Variants in TRANK1 observed in about 807,000 individuals in gnomAD.
The protein encoded by TRANK1 is TPR and ankyrin repeat-containing protein 1.
Under a neutral mutation model 266.0 loss-of-function variants are expected in TRANK1, and 198 were observed. The observed-to-expected ratio is 0.74, with a 90% confidence interval of 0.66 to 0.84. The LOEUF is 0.84. Ranked by LOEUF, TRANK1 falls within the 40% of genes least tolerant of loss-of-function variation. TRANK1 has a pLI of 0.00. For synonymous variants in TRANK1, 1,396 were observed against 1,384.1 expected, an observed-to-expected ratio of 1.01 and a Z score of -0.19; for missense variants, 3,326 against 3,634.6, an observed-to-expected ratio of 0.92 and a Z score of 2.18.
At chr3:36,904,363 C>G (rs1331646022) in intron 2 of TRANK1, among the ~76,000 whole-genome samples, 1 of 151,258 alleles carries the variant, frequency 6.6e-6, no homozygotes, top group Admixed American at 6.6e-5. Context: ...TACTAAAATA[C>G]AAAAAAATTA....
chr3:36,851,074 A>G (rs2078978881), intron 15 of TRANK1: 1 of 985,534 alleles, frequency 1.0e-6, no homozygotes, highest in African/African-American at 1.7e-5. Context: ...TAATGAACTA[A>G]GCTTGGGGAG....
At chr3:36,873,588 A>C (rs1575236993) in intron 9 of TRANK1, among the ~76,000 whole-genome samples, 1 of 152,328 alleles carries the variant, frequency 6.6e-6, no homozygotes, top group Admixed American at 6.5e-5. Flanking sequence ...CTGTAGATGC[A>C]GCATGAAAAA....
chr3:36,903,476 C>T (rs1385815586), intron 2 of TRANK1, among the ~76,000 whole-genome samples: 1 of 152,248 alleles, frequency 6.6e-6, no homozygotes, highest in Non-Finnish European at 1.5e-5. Flanking sequence ...TTCCTCACTC[C>T]CAAATACTCT....
chr3:36,866,968 C>T (rs1320657209), intron 9 of TRANK1, among the ~76,000 whole-genome samples: 3 of 152,146 alleles, frequency 2.0e-5, no homozygotes, highest in Admixed American at 6.5e-5. Flanking sequence ...AATCAAGAGA[C>T]GTTCAGGTGC....
chr3:36,856,664 C>T lies in TRANK1; in HGVS notation c.3058G>A (p.Val1020Met). Reference sequence around the variant, plus strand: ...TTCATGATGTTATATTCTGTCTCCACTGCACTGGCTGGGGGAAAGTACTCA... The same window carrying T: ...TTCATGATGTTATATTCTGTCTCCATTGCACTGGCTGGGGGAAAGTACTCA... ...NPEYFPPASA[V>M]ETEYNIMKFH... The change falls in exon 13 of 24, where the codon GTG (valine) becomes ATG (methionine). Residue 1020 changes from valine to methionine, a missense_variant. Val to Met is a conservative substitution (Grantham distance 21). Transcript: ENST00000645898. 1 of 1,614,062 alleles carries T rather than the reference C, an allele frequency of 6.2e-7. No homozygotes were observed. The highest frequency in any genetic ancestry group is 8.5e-7 in the Non-Finnish European group (1 of 1,179,898).
chr3:36,832,420 C>T lies in TRANK1; in HGVS notation c.7163G>A (p.Gly2388Asp). ...SRIKGIEGKF[G>D]MLAPNRDDEN... ...ATCATCCCTGTTGGGTGCCAGCATG[C>T]CAAATTTCCCTTCTATTCCTTTTAT... Residue 2388 changes from glycine to aspartate, a missense_variant, in exon 22 of 24, where the codon GGC (glycine) becomes GAC (aspartate). Transcript: ENST00000645898. 1.9e-6 allele frequency: 3 copies of T among 1,614,014 alleles called. No individual in the cohort carries two copies. Among genetic ancestry groups the T allele is most frequent in the Non-Finnish European group, 2.5e-6 (3 of 1,179,894 alleles).
At chr3:36,849,343 C>T (rs1263406466) in intron 15 of TRANK1, among the ~76,000 whole-genome samples, 1 of 152,238 alleles carries the variant, frequency 6.6e-6, no homozygotes, top group East Asian at 1.9e-4. Flanking sequence ...TCCTCTCCCC[C>T]AAAAAGAAGG....
At chr3:36,945,561 G>GAGTA (rs2080561692), upstream of TRANK1, among the ~76,000 whole-genome samples, 2 of 152,214 alleles carry the variant, frequency 1.3e-5, no homozygotes, top group Non-Finnish European at 1.5e-5. Context: ...TGTCCATGGA[G>GAGTA]AGTAAGTGCG....
At chr3:36,924,816 G>C (rs1461517955) in intron 1 of TRANK1, among the ~76,000 whole-genome samples, 1 of 152,176 alleles carries the variant, frequency 6.6e-6, no homozygotes, top group East Asian at 1.9e-4. Context: ...TCTGCCACAA[G>C]CTTGGCCACT....
rs372521922 is a variant in TRANK1, at chr3:36,829,602, T to A, written c.8771A>T (p.Asp2924Val). ...ILILSVRDAR[D>V]WLMKTETRLK... ...GCGGGTCTCTGTTTTCATCAACCAG[T>A]CTCGTGCATCCCTGACTGACAGGAT... Residue 2924 changes from aspartate to valine, a missense_variant, in exon 23 of 24, where the codon GAC becomes GTC. By Grantham distance (152) the Asp-to-Val change is radical. Transcript: ENST00000645898. The A allele has an allele frequency of 1.9e-6, 3 of 1,613,846 alleles. No homozygotes were observed. The African/African-American group carries it at 4.0e-5, about 22-fold the overall frequency.
chr3:36,830,793 G>A (rs1457468730), intron 22 of TRANK1, 80 bp downstream of exon 22: 13 of 1,441,000 alleles, frequency 9.0e-6, no homozygotes, highest in Middle Eastern at 1.9e-4. Context: ...CAGAAGCCAC[G>A]ACAAGGAATT....
intron 12 of TRANK1, 66 bp from the exon 13 acceptor site, chr3:36,858,115 G>A (rs909995659): frequency 1.5e-6 from 2 of 1,336,530 alleles, no homozygotes; most frequent in Non-Finnish European, 2.0e-6. Flanking sequence ...CAGACCCTGG[G>A]GTTTGAGAGT....
rs376526242 is a variant in TRANK1 at position 36,856,675 on chromosome 3, G to A, written c.3047C>T (p.Pro1016Leu). The change falls in exon 13 of 24, where the codon CCA becomes CTA. Residue 1016 changes from proline to leucine, a missense_variant. By Grantham distance (98) the Pro-to-Leu change is moderately conservative. Transcript: ENST00000645898. Reference sequence around the variant, plus strand: ...ATATTCTGTCTCCACTGCACTGGCTGGGGGAAAGTACTCAGGATTGACATG... The same window carrying A: ...ATATTCTGTCTCCACTGCACTGGCTAGGGGAAAGTACTCAGGATTGACATG... ...REHVNPEYFP[P>L]ASAVETEYNI... 1 of 1,614,014 alleles carries A rather than the reference G, an allele frequency of 6.2e-7. No homozygotes were observed. Among genetic ancestry groups the A allele is most frequent in the South Asian group, 1.1e-5 (1 of 91,088 alleles).
At chr3:36,922,780 GAAAAAAA>G (rs531701807) in intron 1 of TRANK1, among the ~76,000 whole-genome samples, 3 of 110,124 alleles carry the variant, frequency 2.7e-5, no homozygotes, top group African/African-American at 9.9e-5. Context: ...TGTCTCAAAA[GAAAAAAA>G]AAAAAAAATT....
chr3:36,865,451 C>T (rs2079202745), intron 9 of TRANK1, among the ~76,000 whole-genome samples: 1 of 152,234 alleles, frequency 6.6e-6, no homozygotes, highest in African/African-American at 2.4e-5. Context: ...AACTACATGT[C>T]AGCCACCCAA....
At chr3:36,873,975 C>G (rs1575237587) in intron 9 of TRANK1, 151 bp downstream of exon 9, 5 of 492,942 alleles carry the variant, frequency 1.0e-5, no homozygotes, top group Non-Finnish European at 1.5e-5. Flanking sequence ...AAAAAAAAAG[C>G]AAACAAGTTT....
At position 36,864,389 on chromosome 3, in the gene TRANK1, C is replaced by T. The variant is rs1221065956; in HGVS notation, c.1170G>A (p.Arg390=). 25 of 1,536,946 alleles carry T rather than the reference C, an allele frequency of 1.6e-5. No individual in the cohort carries two copies. Among genetic ancestry groups the T allele is most frequent in the Non-Finnish European group, 2.2e-5 (25 of 1,146,820 alleles). ...GCTTCAGAAAGTTTTTATGCAATAA[C>T]CGGTTTCCTGAGTTCATATACTTCA... ...QLVKYMNSGN[R]LLHKNFLKQE... is the part of the protein sequence containing the mutation. The change falls in exon 10 of 24, where the codon CGG becomes CGA. Residue 390 remains arginine, a synonymous_variant. Coordinates refer to ENST00000645898, the MANE Select transcript of TRANK1 (RefSeq NM_001329998.2).
At chr3:36,845,459 A>T (rs2078902225) in intron 17 of TRANK1, among the ~76,000 whole-genome samples, 1 of 152,222 alleles carries the variant, frequency 6.6e-6, no homozygotes, top group Non-Finnish European at 1.5e-5. Context: ...TTGTTAAACA[A>T]ACTCAGGAAA....
At chr3:36,882,872 T>A (rs2079550478) in intron 8 of TRANK1, among the ~76,000 whole-genome samples, 1 of 152,190 alleles carries the variant, frequency 6.6e-6, no homozygotes, top group African/African-American at 2.4e-5. Context: ...TTAAACACAT[T>A]CTTAAAAGTT....
Sources: allele counts gnomAD v4.1 joint callset (sites outside exome capture counted in the v4.1 genomes callset), GRCh38; gene constraint gnomAD v4.1.1; transcripts MANE v1.5; gene names NCBI Gene and HGNC (gene_info 2026-07-23, HGNC 2026-07-21).